The following ZNF723 variants were observed in gnomAD, a reference collection of about 807,000 sequenced individuals.
ZNF723 encodes the protein zinc finger protein 723, pseudogene.
ZNF723 carries 5 observed loss-of-function variants against 9.4 expected under a neutral mutation model. That is an observed-to-expected ratio of 0.53 (90% CI 0.28 to 1.12). The LOEUF is 1.12. Among genes scored for constraint, ZNF723 ranks in the 50% most tolerant of loss-of-function variants. The pLI is 0.10. For missense variants in ZNF723, 450 were observed against 501.5 expected, an observed-to-expected ratio of 0.90 and a Z score of 0.98; for synonymous variants, 158 against 168.8, an observed-to-expected ratio of 0.94 and a Z score of 0.49.
intron 3 of ZNF723, among the ~76,000 whole-genome samples, chr19:22,854,940 T>C (rs1967452714): frequency 6.6e-6 from 1 of 151,978 alleles, no homozygotes; most frequent in African/African-American, 2.4e-5. Context: ...CCAGCTACTC[T>C]GTCAGCTGAG....
At chr19:22,848,056 T>C (rs35882485) in intron 1 of ZNF723, among the ~76,000 whole-genome samples, 31,724 of 150,924 alleles carry the variant, frequency 0.21, 3,965 homozygotes, top group African/African-American at 0.35. Context: ...GAGCCGAAAT[T>C]GCACCATTGT....
At chr19:22,830,919 T>C (rs778112243), upstream of ZNF723, among the ~76,000 whole-genome samples, 1 of 152,028 alleles carries the variant, frequency 6.6e-6, no homozygotes, top group Non-Finnish European at 1.5e-5. Context: ...CGCACCACCA[T>C]GTCCGGCTAA....
In ZNF723 at chr19:22,858,623, G is replaced by A. The variant is rs574662501; in HGVS notation, c.*190G>A. 1.1e-4 allele frequency: 45 copies of A among 404,430 alleles called. No individual in the cohort carries two copies. Among genetic ancestry groups the A allele is most frequent in the African/African-American group, 5.4e-4 (26 of 48,568 alleles). 25.1% of individuals were successfully genotyped at this position (404,430 alleles called of 1,614,324 possible). A position where few individuals can be genotyped will look rare whatever the true frequency, so the allele number is the denominator to read the frequency against. On this transcript the variant is annotated 3_prime_UTR_variant, in exon 4 of 4. Coordinates refer to ENST00000600766, the MANE Select transcript of ZNF723 (RefSeq NM_001349726.2). ...TACTAAAATACAAAAAAAATTAGCC[G>A]GGTGTAGTGGTGGGCGCCTGTAATC...
chr19:22,848,269 G>A lies in ZNF723; in HGVS notation c.12G>A (p.Leu4=), dbSNP rs1568406729. The A allele has an allele frequency of 1.8e-6, 2 of 1,111,734 alleles. No individual in the cohort carries two copies. The highest frequency in any genetic ancestry group is 3.2e-5 in the African/African-American group (2 of 63,060). The allele number at this position is 1,111,734 out of a possible 1,614,324, so 68.9% of individuals were successfully genotyped here. Reference sequence around the variant, plus strand: ...GTGTGTTTTTTTTTCAGGGACCATTGACATTCACAGATGTGGCAATAAAAT... The same window carrying A: ...GTGTGTTTTTTTTTCAGGGACCATTAACATTCACAGATGTGGCAATAAAAT... MGP[L]TFTDVAIKFS... is the part of the protein sequence containing the mutation. The change falls in exon 2 of 4, where the codon TTG becomes TTA. Residue 4 remains leucine, a synonymous_variant. Transcript: ENST00000600766.
At position 22,857,677 on chromosome 19, in the gene ZNF723, T is replaced by G. The variant is rs940772605; in HGVS notation, c.786T>G (p.Cys262Trp). 7.9e-7 allele frequency: 1 copy of G among 1,272,428 alleles called. No homozygotes were observed. Among genetic ancestry groups the G allele is most frequent in the Non-Finnish European group, 1.2e-6 (1 of 869,162 alleles). The allele number at this position is 1,272,428 out of a possible 1,614,324, so 78.8% of individuals were successfully genotyped here. Reference protein sequence around the residue: ...TGEKPYKCEECGKTFNMFSSL... With the variant: ...TGEKPYKCEEWGKTFNMFSSL... ...AGAAACCCTACAAATGTGAAGAATG[T>G]GGCAAAACCTTTAATATGTTCTCAA... Residue 262 changes from cysteine to tryptophan, a missense_variant, in exon 4 of 4, where the codon TGT (cysteine) becomes TGG (tryptophan). This residue lies in a region of ZNF723 where 237 missense variants were observed against 332.2 expected (regional missense o/e 0.71). Coordinates refer to ENST00000600766, the MANE Select transcript of ZNF723 (RefSeq NM_001349726.2).
In ZNF723 at chr19:22,832,395, G is replaced by T; in HGVS notation, c.3+13G>T. 7.3e-7 allele frequency: 1 copy of T among 1,377,872 alleles called. No homozygotes were observed. Among genetic ancestry groups the T allele is most frequent in the South Asian group, 1.2e-5 (1 of 86,736 alleles). 85.4% of individuals were successfully genotyped at this position (1,377,872 alleles called of 1,614,324 possible). A position where few individuals can be genotyped will look rare whatever the true frequency, so the allele number is the denominator to read the frequency against. On this transcript the variant is annotated intron_variant, in intron 1 of 3. Coordinates refer to ENST00000600766, the MANE Select transcript of ZNF723 (RefSeq NM_001349726.2). The stretch of plus-strand genomic sequence containing the variant: ...AAGCCTAGAAATGGTGAGAGTACCG[G>T]GTCCGACATCCCGAGAGAGGGGAAG...
chr19:22,831,636 C>A (rs1016094535), upstream of ZNF723, among the ~76,000 whole-genome samples: 4 of 146,534 alleles, frequency 2.7e-5, no homozygotes, highest in Admixed American at 6.8e-5. Context: ...CTTGGCCGGG[C>A]GCGATGGCTC....
At chr19:22,818,881 G>C in the ZNF723 span, among the ~76,000 whole-genome samples, 1 of 152,054 alleles carries the variant, frequency 6.6e-6, no homozygotes, top group Non-Finnish European at 1.5e-5. Context: ...GTGCTATATT[G>C]CTGCATCCAA....
chr19:22,818,015 C>A, the ZNF723 span, among the ~76,000 whole-genome samples: 5 of 152,168 alleles, frequency 3.3e-5, no homozygotes, highest in African/African-American at 4.8e-5. Context: ...GGAACTGTGA[C>A]GGTCATATGT....
the ZNF723 span, among the ~76,000 whole-genome samples, chr19:22,818,080 A>C: frequency 2.0e-5 from 3 of 152,198 alleles, no homozygotes; most frequent in African/African-American, 7.2e-5. Context: ...GCTAATAGGC[A>C]GGGGAGAACT....
At chr19:22,831,818 G>A (rs1487018243), upstream of ZNF723, among the ~76,000 whole-genome samples, 1 of 151,686 alleles carries the variant, frequency 6.6e-6, no homozygotes, top group Non-Finnish European at 1.5e-5. Flanking sequence ...TGAGGCAGAA[G>A]AATCGCTTGA....
In ZNF723 at chr19:22,858,038, C is replaced by T; in HGVS notation, c.1147C>T (p.His383Tyr). Residue 383 changes from histidine to tyrosine, a missense_variant, in exon 4 of 4, where the codon CAC becomes TAC. Coordinates refer to ENST00000600766, the MANE Select transcript of ZNF723 (RefSeq NM_001349726.2). ...TGGCAAAGCTTTTAAAGTATCTGTA[C>T]ACCTTACTACACATAAGAGAATTCA... ...ECGKAFKVSV[H>Y]LTTHKRIHTG... The T allele has an allele frequency of 6.6e-7, 1 of 1,509,424 alleles. No homozygotes were observed. Among genetic ancestry groups the T allele is most frequent in the Non-Finnish European group, 9.1e-7 (1 of 1,093,570 alleles). 93.5% of individuals were successfully genotyped at this position (1,509,424 alleles called of 1,614,324 possible).
the ZNF723 span, among the ~76,000 whole-genome samples, chr19:22,814,789 A>G: frequency 3.9e-5 from 6 of 152,118 alleles, no homozygotes; most frequent in East Asian, 9.7e-4. Flanking sequence ...GAATTGTGGC[A>G]TATCACTGAA....
intron 3 of ZNF723, among the ~76,000 whole-genome samples, chr19:22,855,672 C>T (rs1967467351): frequency 6.6e-6 from 1 of 152,070 alleles, no homozygotes; most frequent in African/African-American, 2.4e-5. Context: ...GACAGATTTG[C>T]TGATGGTATT....
chr19:22,858,630 G>A lies in ZNF723; in HGVS notation c.*197G>A. The A allele has an allele frequency of 2.6e-6, 1 of 390,542 alleles. No homozygotes were observed. The allele number at this position is 390,542 out of a possible 1,614,324, so 24.2% of individuals were successfully genotyped here. On this transcript the variant is annotated 3_prime_UTR_variant, in exon 4 of 4. Transcript: ENST00000600766. ...ATACAAAAAAAATTAGCCGGGTGTA[G>A]TGGTGGGCGCCTGTAATCCCAGCTA... is the stretch of plus-strand genomic sequence containing the variant.
chr19:22,814,086 A>G, the ZNF723 span, among the ~76,000 whole-genome samples: 2 of 152,176 alleles, frequency 1.3e-5, no homozygotes, highest in Non-Finnish European at 2.9e-5. Context: ...TGCTGGGATT[A>G]TAGGTGTAAG....
chr19:22,825,223 G>T, the ZNF723 span, among the ~76,000 whole-genome samples: 2 of 152,048 alleles, frequency 1.3e-5, no homozygotes, highest in South Asian at 2.1e-4. Flanking sequence ...TCAACATGCC[G>T]GTGAGCCTGT....
the ZNF723 span, among the ~76,000 whole-genome samples, chr19:22,817,587 C>A: frequency 6.6e-6 from 1 of 152,012 alleles, no homozygotes; most frequent in Non-Finnish European, 1.5e-5. Flanking sequence ...CTGGACCCTG[C>A]CTTTAGGAAG....
intron 3 of ZNF723, among the ~76,000 whole-genome samples, chr19:22,856,186 C>T (rs1215827033): frequency 6.6e-6 from 1 of 152,166 alleles, no homozygotes; most frequent in Non-Finnish European, 1.5e-5. Context: ...GTCTTTATCT[C>T]CTGACCTCAT....
Sources: gnomAD v4.1 joint callset for allele counts (sites outside exome capture counted in the v4.1 genomes callset) on GRCh38, gnomAD v4.1.1 for gene constraint, gnomAD v4.1.1 regional missense constraint, MANE v1.5 for transcripts, NCBI Gene and HGNC (gene_info 2026-07-23, HGNC 2026-07-21) for gene names.